The following UBE2D4 variants were observed in gnomAD, a reference collection of about 807,000 sequenced individuals.
The protein encoded by UBE2D4 is ubiquitin conjugating enzyme E2 D4.
A neutral mutation model predicts 23.0 loss-of-function variants in UBE2D4; 17 were observed. That is an observed-to-expected ratio of 0.74 (90% confidence interval 0.51 to 1.11). The LOEUF is 1.11. Among genes scored for constraint, UBE2D4 ranks in the 50% least tolerant of loss-of-function variants. UBE2D4 has a pLI of 0.00. For synonymous variants in UBE2D4, 61 were observed against 69.4 expected, an observed-to-expected ratio of 0.88 and a Z score of 0.60; for missense variants, 139 against 181.8, an observed-to-expected ratio of 0.76 and a Z score of 1.35.
Position 43,926,493 on chromosome 7 carries a change from G to GCCCCGGCCGGGCCGCCCGGGT in UBE2D4, c.-32_-12dup, listed in dbSNP as rs1217398058. 1.3e-6 allele frequency: 2 copies of GCCCCGGCCGGGCCGCCCGGGT among 1,483,818 alleles called. No individual in the cohort carries two copies. Among genetic ancestry groups the GCCCCGGCCGGGCCGCCCGGGT allele is most frequent in the Non-Finnish European group, 1.8e-6 (2 of 1,114,478 alleles). The allele number at this position is 1,483,818 out of a possible 1,614,324, so 91.9% of individuals were successfully genotyped here. Reference sequence around the variant, plus strand: ...AGCCGGCAGCGGGCCGCCTCAGGCAGCCCCGGCCGGGCCGCCCGGGTCCCC... The same window carrying GCCCCGGCCGGGCCGCCCGGGT: ...AGCCGGCAGCGGGCCGCCTCAGGCAGCCCCGGCCGGGCCGCCCGGGTCCCCGGCCGGGCCGCCCGGGTCCCC... On this transcript the variant is annotated 5_prime_UTR_variant, in exon 1 of 7. Coordinates refer to ENST00000222402, the MANE Select transcript of UBE2D4 (RefSeq NM_015983.4).
Position 43,955,590 on chromosome 7 carries a change from T to A in UBE2D4, c.*2895T>A, listed in dbSNP as rs983128377. The stretch of plus-strand genomic sequence containing the variant: ...CTGCCTCACTGCAGTTGCTCAAGGA[T>A]GGGTATGTTTCTGTCTCTGAAATTC... On this transcript the variant is annotated 3_prime_UTR_variant, in exon 7 of 7. Coordinates refer to ENST00000222402, the MANE Select transcript of UBE2D4 (RefSeq NM_015983.4). 6.6e-6 allele frequency: 1 copy of A among 152,158 alleles called. No individual in the cohort carries two copies. The highest frequency in any genetic ancestry group is 2.4e-5 in the African/African-American group (1 of 41,422). The allele number at this position is 152,158 out of a possible 1,614,324, so 9.4% of individuals were successfully genotyped here. A position where few individuals can be genotyped will look rare whatever the true frequency, so the allele number is the denominator to read the frequency against.
At chr7:43,945,110 A>G (rs906649049) in intron 4 of UBE2D4, among the ~76,000 whole-genome samples, 2 of 152,114 alleles carry the variant, frequency 1.3e-5, no homozygotes, top group African/African-American at 4.8e-5. Flanking sequence ...CTTCTGCCTC[A>G]GCCTCCTAAG....
chr7:43,927,919 A>C (rs2095936380), intron 1 of UBE2D4: 1 of 376,330 alleles, frequency 2.7e-6, no homozygotes, highest in Admixed American at 3.1e-5. Context: ...GCTGTTACGA[A>C]CTGTGTATTA....
chr7:43,952,026 C>T (rs527295889), intron 6 of UBE2D4: 3 of 152,152 alleles, frequency 2.0e-5, no homozygotes, highest in African/African-American at 7.2e-5. Context: ...TTTATAGTCT[C>T]ATAGCATCAA....
Position 43,952,706 on chromosome 7 carries a change from G to A in UBE2D4, c.*11G>A. On this transcript the variant is annotated 3_prime_UTR_variant, in exon 7 of 7. Coordinates refer to ENST00000222402, the MANE Select transcript of UBE2D4 (RefSeq NM_015983.4). ...AAATATGCTATGTAAGTGCCTTGGA[G>A]GTTTTACATGAGACACTGTCCAAGA... 3 of 1,611,038 alleles carry A rather than the reference G, an allele frequency of 1.9e-6. No homozygotes were observed. Among genetic ancestry groups the A allele is most frequent in the Non-Finnish European group, 2.5e-6 (3 of 1,177,296 alleles).
intron 1 of UBE2D4, chr7:43,928,051 T>C (rs1048605053): frequency 4.4e-6 from 2 of 454,324 alleles, no homozygotes; most frequent in Admixed American, 2.4e-5. Context: ...CTGCTTCTGG[T>C]GAGGCCTCAG....
intron 4 of UBE2D4, among the ~76,000 whole-genome samples, chr7:43,946,854 G>C (rs1490749658): frequency 1.3e-5 from 2 of 151,982 alleles, no homozygotes; most frequent in Admixed American, 6.6e-5. Context: ...CTGGCAGAGG[G>C]TCCACGGCCT....
rs2095982212 is a variant in UBE2D4 at position 43,944,958 on chromosome 7, A to G, written c.198+1927A>G. 1 of 152,170 alleles carries G rather than the reference A, an allele frequency of 6.6e-6. No individual in the cohort carries two copies. The highest frequency in any genetic ancestry group is 1.5e-5 in the Non-Finnish European group (1 of 68,034). The allele number at this position is 152,170 out of a possible 1,614,324, so 9.4% of individuals were successfully genotyped here. A position where few individuals can be genotyped will look rare whatever the true frequency, so the allele number is the denominator to read the frequency against. ...CAGCATACCTAATTGCCTAAGGACA[A>G]AGGAGAAACAGTGATTATTATTATT... On this transcript the variant is annotated intron_variant, in intron 4 of 6. Transcript: ENST00000222402. This position sits in a 1 kb window ranked among gnomAD's most constrained non-coding sequence, Gnocchi z 4.0.
chr7:43,949,009 C>T, intron 5 of UBE2D4: 1 of 439,768 alleles, frequency 2.3e-6, no homozygotes. Flanking sequence ...ACTGATTCTA[C>T]TTATATTTTT....
At chr7:43,949,143 G>T in intron 5 of UBE2D4, 1 of 271,328 alleles carries the variant, frequency 3.7e-6, no homozygotes, top group Non-Finnish European at 6.9e-6. Flanking sequence ...GCCTCCGGGG[G>T]CCTCGAAGTT....
chr7:43,935,808 T>TCAC (rs2095957099), intron 1 of UBE2D4, among the ~76,000 whole-genome samples: 1 of 152,240 alleles, frequency 6.6e-6, no homozygotes, highest in Non-Finnish European at 1.5e-5. Flanking sequence ...GACTGGAATG[T>TCAC]CACAATACAT....
intron 5 of UBE2D4, among the ~76,000 whole-genome samples, chr7:43,949,776 T>C (rs1040308580): frequency 6.6e-6 from 1 of 152,300 alleles, no homozygotes; most frequent in African/African-American, 2.4e-5. Flanking sequence ...GAGAGCCACA[T>C]TGAGTGCACA....
At position 43,943,210 on chromosome 7, in the gene UBE2D4, CTGT is replaced by C. The variant is rs1002036353; in HGVS notation, c.198+183_198+185del. The C allele has an allele frequency of 6.2e-6, 4 of 649,016 alleles. No individual in the cohort carries two copies. The African/African-American group carries it at 7.3e-5, about 12-fold the overall frequency. 40.2% of individuals were successfully genotyped at this position (649,016 alleles called of 1,614,324 possible). A position where few individuals can be genotyped will look rare whatever the true frequency, so the allele number is the denominator to read the frequency against. On this transcript the variant is annotated intron_variant, in intron 4 of 6. Coordinates refer to ENST00000222402, the MANE Select transcript of UBE2D4 (RefSeq NM_015983.4). ...ATTACTGGACTTTGGGAATTAGCAC[CTGT>C]TGTGATCAAGGGTCAGTGGGGTGAG... is the stretch of plus-strand genomic sequence containing the variant.
chr7:43,931,985 G>A (rs1263167360), intron 1 of UBE2D4, among the ~76,000 whole-genome samples: 2 of 149,986 alleles, frequency 1.3e-5, no homozygotes, highest in African/African-American at 4.9e-5. Flanking sequence ...ACTGTGCCTG[G>A]CCATGACACA....
At chr7:43,948,400 CCT>C in intron 4 of UBE2D4, among the ~76,000 whole-genome samples, 1 of 152,302 alleles carries the variant, frequency 6.6e-6, no homozygotes, top group East Asian at 1.9e-4. Flanking sequence ...TATCAATCCC[CCT>C]ATGTTCAGAA....
At chr7:43,950,546 G>A in intron 5 of UBE2D4, 53 bp from the exon 6 acceptor site, 1 of 1,460,936 alleles carries the variant, frequency 6.8e-7, no homozygotes, top group East Asian at 2.3e-5. Context: ...TTACCCAGGG[G>A]TGACCCAGCA....
rs118167064 is a variant in UBE2D4, at chr7:43,952,923, A to G, written c.*228A>G. On this transcript the variant is annotated 3_prime_UTR_variant, in exon 7 of 7. Coordinates refer to ENST00000222402, the MANE Select transcript of UBE2D4 (RefSeq NM_015983.4). ...CAAATCAGCAACCATTGTTGTTATGATCTGCAGTCTTCCTGGTGACACTGG... is the reference window on the plus strand; with the variant it reads ...CAAATCAGCAACCATTGTTGTTATGGTCTGCAGTCTTCCTGGTGACACTGG... 0.012 allele frequency: 5,772 copies of G among 487,806 alleles called. 59 individuals are homozygous for G. The highest frequency in any genetic ancestry group is 0.015 in the Middle Eastern group (25 of 1,724). The allele number at this position is 487,806 out of a possible 1,614,324, so 30.2% of individuals were successfully genotyped here.
chr7:43,949,314 A>G (rs993430333), intron 5 of UBE2D4: 1 of 152,758 alleles, frequency 6.5e-6, no homozygotes, highest in Non-Finnish European at 1.5e-5. Context: ...CTGAATGTAG[A>G]TGGTGCAGTA....
intron 2 of UBE2D4, 57 bp from the exon 3 acceptor site, chr7:43,942,768 TA>T: frequency 6.2e-7 from 1 of 1,611,688 alleles, no homozygotes; most frequent in Non-Finnish European, 8.5e-7. Flanking sequence ...GCGTTTTCAG[TA>T]GAATGACATG....
Sources: gnomAD v4.1 joint callset for allele counts (sites outside exome capture counted in the v4.1 genomes callset) on GRCh38, gnomAD v4.1.1 for gene constraint, Gnocchi (gnomAD v3.1) non-coding constraint, MANE v1.5 for transcripts, NCBI Gene and HGNC (gene_info 2026-07-23, HGNC 2026-07-21) for gene names.